Variants in FRMD3 observed in about 807,000 individuals in gnomAD.
FRMD3 encodes the protein FERM domain-containing protein 3.
FRMD3 carries 33 observed loss-of-function variants against 70.2 expected under a neutral mutation model. The observed-to-expected ratio is 0.47, with a 90% confidence interval of 0.36 to 0.63. The LOEUF is 0.63. FRMD3 is among the 20% of genes least tolerant of loss of function. The pLI is 0.00. For missense variants in FRMD3, 632 were observed against 711.4 expected (o/e 0.89, Z 1.27); for synonymous variants, 279 against 255.9 (o/e 1.09, Z -0.86).
intron 1 of FRMD3, among the ~76,000 whole-genome samples, chr9:83,453,582 A>G (rs945099672): frequency 3.3e-5 from 5 of 150,340 alleles, no homozygotes; most frequent in Non-Finnish European, 4.4e-5. Context: ...AGAATTTCAA[A>G]GACTTAGTCC....
At chr9:83,310,387 A>G in intron 9 of FRMD3, 98 bp downstream of exon 9, 2 of 949,452 alleles carry the variant, frequency 2.1e-6, no homozygotes, top group Non-Finnish European at 3.3e-6. Flanking sequence ...CTTCAAAGTC[A>G]TGGTCTTTGG....
intron 1 of FRMD3, among the ~76,000 whole-genome samples, chr9:83,447,561 G>T (rs1827517378): frequency 6.7e-6 from 1 of 150,164 alleles, no homozygotes; most frequent in Non-Finnish European, 1.5e-5. Flanking sequence ...TGTCATGGGG[G>T]CAGTGAGGGG....
At chr9:83,457,190 G>A (rs1827842888) in intron 1 of FRMD3, among the ~76,000 whole-genome samples, 1 of 152,054 alleles carries the variant, frequency 6.6e-6, no homozygotes, top group East Asian at 1.9e-4. Flanking sequence ...TTGTTGACAC[G>A]CATACACACT....
At chr9:83,282,321 T>G (rs1834004585) in intron 13 of FRMD3, among the ~76,000 whole-genome samples, 1 of 152,162 alleles carries the variant, frequency 6.6e-6, no homozygotes, top group Non-Finnish European at 1.5e-5. Flanking sequence ...AGAGGCAAAA[T>G]GGAGGATATT....
chr9:83,332,378 T>TTC (rs374456214), intron 6 of FRMD3, among the ~76,000 whole-genome samples: 71 of 143,320 alleles, frequency 5.0e-4, no homozygotes, highest in East Asian at 2.0e-3. Flanking sequence ...CTCTCTCTCT[T>TTC]TCTCTCTCTC....
chr9:83,440,522 G>C (rs1365135247), intron 1 of FRMD3, among the ~76,000 whole-genome samples: 1 of 152,130 alleles, frequency 6.6e-6, no homozygotes, highest in African/African-American at 2.4e-5. Context: ...ATCAGCAATT[G>C]TCACCCCCAG....
intron 1 of FRMD3, among the ~76,000 whole-genome samples, chr9:83,457,505 T>C (rs1428853416): frequency 1.3e-5 from 2 of 152,200 alleles, no homozygotes; most frequent in East Asian, 1.9e-4. Context: ...GTACCTGACA[T>C]AGGATGGCAT....
At chr9:83,553,362 C>G in the FRMD3 span, among the ~76,000 whole-genome samples, 1 of 152,066 alleles carries the variant, frequency 6.6e-6, no homozygotes, top group South Asian at 2.1e-4. Flanking sequence ...CATGGGGTTC[C>G]CTTTGTAGGG....
At chr9:83,547,397 G>C in the FRMD3 span, among the ~76,000 whole-genome samples, 1 of 150,364 alleles carries the variant, frequency 6.7e-6, no homozygotes, top group Non-Finnish European at 1.5e-5. Flanking sequence ...TTGATTTAAA[G>C]TGTCTGAAAG....
intron 1 of FRMD3, among the ~76,000 whole-genome samples, chr9:83,525,991 G>C (rs1336510123): frequency 1.3e-5 from 2 of 152,158 alleles, no homozygotes; most frequent in Non-Finnish European, 2.9e-5. Flanking sequence ...CCTTACTTCT[G>C]TCTCTATGTC....
intron 6 of FRMD3, among the ~76,000 whole-genome samples, chr9:83,317,554 TCA>T (rs1835634879): frequency 6.6e-6 from 1 of 152,230 alleles, no homozygotes; most frequent in South Asian, 2.1e-4. Context: ...AAGCTACATG[TCA>T]TTTATTCATA....
At chr9:83,339,294 G>A (rs917318956) in intron 5 of FRMD3, among the ~76,000 whole-genome samples, 2 of 152,094 alleles carry the variant, frequency 1.3e-5, no homozygotes, top group South Asian at 2.1e-4. Flanking sequence ...TAAGCAGAAG[G>A]CAGGTTTTTT....
intron 1 of FRMD3, among the ~76,000 whole-genome samples, chr9:83,436,457 G>GGTGTGTGTGTGT: frequency 9.2e-6 from 1 of 108,292 alleles, no homozygotes; most frequent in East Asian, 2.3e-4. Flanking sequence ...TAATTAATAA[G>GGTGTGTGTGTGT]ATGTGTGTGT....
intron 10 of FRMD3, among the ~76,000 whole-genome samples, chr9:83,303,791 A>G (rs935605703): frequency 2.0e-5 from 3 of 152,238 alleles, no homozygotes; most frequent in Non-Finnish European, 2.9e-5. Flanking sequence ...AGTTAAAAAA[A>G]GAAATTACGA....
At chr9:83,578,355 C>T in the FRMD3 span, among the ~76,000 whole-genome samples, 13 of 151,748 alleles carry the variant, frequency 8.6e-5, no homozygotes, top group Non-Finnish European at 1.6e-4. Flanking sequence ...CAGATACCAA[C>T]GTCAGACAAG....
At chr9:83,572,973 G>A in the FRMD3 span, among the ~76,000 whole-genome samples, 1 of 152,170 alleles carries the variant, frequency 6.6e-6, no homozygotes. Flanking sequence ...ATAATACAGT[G>A]TTATTGAACA....
chr9:83,551,502 G>A, the FRMD3 span, among the ~76,000 whole-genome samples: 1 of 152,114 alleles, frequency 6.6e-6, no homozygotes, highest in African/African-American at 2.4e-5. Context: ...AATGAGTTGG[G>A]GAGAAGTCCC....
intron 1 of FRMD3, among the ~76,000 whole-genome samples, chr9:83,472,390 G>A (rs1241887826): frequency 1.3e-5 from 2 of 152,104 alleles, no homozygotes; most frequent in African/African-American, 4.8e-5. Flanking sequence ...TTCAGGAAAC[G>A]CTCATCAGGA....
chr9:83,431,693 T>G (rs1826982153), intron 1 of FRMD3, among the ~76,000 whole-genome samples: 1 of 152,246 alleles, frequency 6.6e-6, no homozygotes, highest in African/African-American at 2.4e-5. Flanking sequence ...TTGTCTCTGA[T>G]TTGTTGACCA....
Sources: allele counts gnomAD v4.1 joint callset (sites outside exome capture counted in the v4.1 genomes callset), GRCh38; gene constraint gnomAD v4.1.1; transcripts MANE v1.5; gene names NCBI Gene and HGNC (gene_info 2026-07-23, HGNC 2026-07-21).